Variants in BMP5 observed in about 807,000 individuals in gnomAD.
BMP5 encodes bone morphogenetic protein 5.
A neutral mutation model predicts 46.6 loss-of-function variants in BMP5; 23 were observed. The observed-to-expected ratio is 0.49, with a 90% CI of 0.35 to 0.70. BMP5 has a LOEUF of 0.70. Among genes scored for constraint, BMP5 ranks in the 30% least tolerant of loss-of-function variants. The probability of loss-of-function intolerance (pLI) is 0.00; values close to 1 mark genes in which losing one functional copy is unlikely to be tolerated. For missense variants in BMP5, 545 were observed against 565.6 expected (o/e 0.96, Z 0.37); for synonymous variants, 204 against 191.9 (o/e 1.06, Z -0.52).
chr6:55,815,308 A>G (rs1476788940), intron 2 of BMP5, among the ~76,000 whole-genome samples: 1 of 152,192 alleles, frequency 6.6e-6, no homozygotes, highest in African/African-American at 2.4e-5. Flanking sequence ...ATTCAGTAAC[A>G]CTACTCAATA....
chr6:55,803,358 T>A (rs1426409080), intron 2 of BMP5, among the ~76,000 whole-genome samples: 1 of 151,840 alleles, frequency 6.6e-6, no homozygotes, highest in East Asian at 1.9e-4. Context: ...ATAAAAGATG[T>A]ATATTAGTGC....
chr6:55,859,183 A>T (rs2127552859), intron 1 of BMP5, among the ~76,000 whole-genome samples: 1 of 152,334 alleles, frequency 6.6e-6, no homozygotes, highest in East Asian at 1.9e-4. Flanking sequence ...TTTAGCAGTG[A>T]TATTGAAACA....
At chr6:55,842,446 A>G (rs1776984905) in intron 1 of BMP5, among the ~76,000 whole-genome samples, 1 of 152,224 alleles carries the variant, frequency 6.6e-6, no homozygotes, top group South Asian at 2.1e-4. Flanking sequence ...GTCTCAGCCT[A>G]CACATACAGA....
intron 1 of BMP5, among the ~76,000 whole-genome samples, chr6:55,845,510 T>C (rs1777077864): frequency 6.6e-6 from 1 of 152,032 alleles, no homozygotes; most frequent in Non-Finnish European, 1.5e-5. Flanking sequence ...AAGGTGAGTG[T>C]CTCCTACTAC....
chr6:55,768,362 T>A (rs996252943), intron 4 of BMP5, among the ~76,000 whole-genome samples: 1 of 151,962 alleles, frequency 6.6e-6, no homozygotes, highest in African/African-American at 2.4e-5. Flanking sequence ...GAAATCATAC[T>A]ATGAGTACCC....
chr6:55,842,695 T>C (rs1298879625), intron 1 of BMP5, among the ~76,000 whole-genome samples: 1 of 151,552 alleles, frequency 6.6e-6, no homozygotes, highest in Admixed American at 6.6e-5. Flanking sequence ...TTCTTTTGTG[T>C]GTACACATTC....
At chr6:55,757,972 T>A (rs150216727) in intron 6 of BMP5, among the ~76,000 whole-genome samples, 245 of 152,054 alleles carry the variant, frequency 1.6e-3, no homozygotes, top group Middle Eastern at 3.4e-3. Context: ...TTAATTCAGC[T>A]TTAAGTTTTA....
intron 1 of BMP5, among the ~76,000 whole-genome samples, chr6:55,848,270 T>TC (rs1257991043): frequency 6.6e-6 from 1 of 152,000 alleles, no homozygotes; most frequent in African/African-American, 2.4e-5. Context: ...GACCAACAGC[T>TC]GTCACTTTGG....
intron 3 of BMP5, 67 bp downstream of exon 3, chr6:55,794,212 T>C: frequency 6.4e-7 from 1 of 1,556,976 alleles, no homozygotes; most frequent in South Asian, 1.1e-5. Flanking sequence ...TTATATCACA[T>C]AAAAAACGAT....
intron 4 of BMP5, among the ~76,000 whole-genome samples, chr6:55,764,703 A>AT (rs1489596502): frequency 6.6e-6 from 1 of 151,408 alleles, no homozygotes; most frequent in Non-Finnish European, 1.5e-5. Flanking sequence ...CCCTGTTCTT[A>AT]GTCATATGTG....
At chr6:55,771,219 A>G (rs1376311841) in intron 4 of BMP5, among the ~76,000 whole-genome samples, 1 of 151,796 alleles carries the variant, frequency 6.6e-6, no homozygotes, top group Non-Finnish European at 1.5e-5. Flanking sequence ...AAGCAGCATC[A>G]TGTTCTGGAG....
At chr6:55,854,789 T>C (rs1295161523) in intron 1 of BMP5, among the ~76,000 whole-genome samples, 1 of 152,154 alleles carries the variant, frequency 6.6e-6, no homozygotes, top group African/African-American at 2.4e-5. Flanking sequence ...AATGACTCTT[T>C]TAAAAATACT....
At chr6:55,858,995 A>G (rs1049935267) in intron 1 of BMP5, among the ~76,000 whole-genome samples, 3 of 152,200 alleles carry the variant, frequency 2.0e-5, no homozygotes, top group African/African-American at 7.2e-5. Flanking sequence ...GAGGGAGAGC[A>G]TTAGGATAAA....
At chr6:55,841,394 A>T (rs994261173) in intron 1 of BMP5, among the ~76,000 whole-genome samples, 1 of 152,130 alleles carries the variant, frequency 6.6e-6, no homozygotes, top group African/African-American at 2.4e-5. Flanking sequence ...TCCAAAAAAA[A>T]TTTTGATTCT....
intron 6 of BMP5, 151 bp downstream of exon 6, chr6:55,758,854 C>A: frequency 1.5e-6 from 1 of 668,932 alleles, no homozygotes; most frequent in South Asian, 1.6e-5. Flanking sequence ...TGACTATACC[C>A]ACAGTTGTTA....
At chr6:55,766,983 T>C (rs1774930620) in intron 4 of BMP5, among the ~76,000 whole-genome samples, 1 of 152,104 alleles carries the variant, frequency 6.6e-6, no homozygotes, top group South Asian at 2.1e-4. Flanking sequence ...TTATATAGCA[T>C]ATAATGCTGT....
intron 3 of BMP5, among the ~76,000 whole-genome samples, chr6:55,793,173 C>G (rs1038258417): frequency 6.6e-6 from 1 of 152,140 alleles, no homozygotes; most frequent in African/African-American, 2.4e-5. Flanking sequence ...CAACAAAGAT[C>G]TGAATATATT....
intron 1 of BMP5, among the ~76,000 whole-genome samples, chr6:55,862,740 C>T (rs1270674194): frequency 6.6e-6 from 1 of 152,132 alleles, no homozygotes; most frequent in Non-Finnish European, 1.5e-5. Context: ...TTGAAAGTCA[C>T]TGGAGCCTCC....
intron 1 of BMP5, among the ~76,000 whole-genome samples, chr6:55,864,706 C>T (rs1257032231): frequency 6.6e-6 from 1 of 151,950 alleles, no homozygotes; most frequent in African/African-American, 2.4e-5. Context: ...TATGTTTTCC[C>T]ACTCAATATA....
Sources: gnomAD v4.1 joint callset for allele counts (sites outside exome capture counted in the v4.1 genomes callset) on GRCh38, gnomAD v4.1.1 for gene constraint, MANE v1.5 for transcripts, NCBI Gene and HGNC (gene_info 2026-07-23, HGNC 2026-07-21) for gene names.